SLC6A12: variants seen among roughly 807,000 people sequenced by gnomAD.
SLC6A12 encodes solute carrier family 6 member 12, also known as sodium- and chloride-dependent betaine transporter.
In SLC6A12, 50 loss-of-function variants were observed where a neutral mutation model predicts 73.3. That is an observed-to-expected ratio of 0.68 (90% CI 0.54 to 0.86). SLC6A12 has a LOEUF of 0.86. Among genes scored for constraint, SLC6A12 ranks in the 40% least tolerant of loss-of-function variants. SLC6A12 has a pLI of 0.00. For synonymous variants in SLC6A12, 304 were observed against 309.2 expected, an observed-to-expected ratio of 0.98 and a Z score of 0.18; for missense variants, 648 against 772.8, an observed-to-expected ratio of 0.84 and a Z score of 1.92.
At chr12:194,630 T>G (rs571879598) in intron 13 of SLC6A12, among the ~76,000 whole-genome samples, 16 of 152,366 alleles carry the variant, frequency 1.1e-4, no homozygotes, top group African/African-American at 3.6e-4. Context: ...CTTCTTCCCC[T>G]TCCTGGTGTA....
chr12:200,351 G>C (rs542918766), intron 7 of SLC6A12, among the ~76,000 whole-genome samples: 9 of 151,992 alleles, frequency 5.9e-5, no homozygotes, highest in African/African-American at 1.9e-4. Flanking sequence ...CTCGTGATCC[G>C]CCAGCCTCGG....
chr12:197,146 C>CATCTATCCATCCATCCATCTATCCATCT (rs1163402557), intron 10 of SLC6A12, among the ~76,000 whole-genome samples: 1 of 95,456 alleles, frequency 1.0e-5, no homozygotes, highest in African/African-American at 3.5e-5. Context: ...TCCATCCATC[C>CATCTATCCATCCATCCATCTATCCATCT]ATCCATCCAT....
intron 5 of SLC6A12, 67 bp from the exon 6 acceptor site, chr12:201,916 C>T (rs979715549): frequency 1.4e-6 from 2 of 1,416,330 alleles, no homozygotes; most frequent in African/African-American, 2.8e-5. Context: ...CCCTGGCCCT[C>T]TGGCCTTGCA....
chr12:200,142 G>T (rs979134147), intron 7 of SLC6A12, among the ~76,000 whole-genome samples: 3 of 138,082 alleles, frequency 2.2e-5, no homozygotes, highest in Non-Finnish European at 3.0e-5. Flanking sequence ...ACGGAGTCTG[G>T]CTGTCGCCCA....
At position 202,966 on chromosome 12, in the gene SLC6A12, A is replaced by G. The variant is rs1284438368; in HGVS notation, c.350-86T>C. On this transcript the variant is annotated intron_variant, in intron 4 of 15. Coordinates refer to ENST00000684302, the MANE Select transcript of SLC6A12 (RefSeq NM_001122848.3). Reference sequence around the variant, plus strand: ...CATAGAAGCTGCCAGTTGAGGTTACAAGGGTATTGGGTGCTACACAAAGAG... The same window carrying G: ...CATAGAAGCTGCCAGTTGAGGTTACGAGGGTATTGGGTGCTACACAAAGAG... The G allele has an allele frequency of 1.0e-5, 13 of 1,252,524 alleles. No individual in the cohort carries two copies. In the East Asian group the frequency reaches 2.6e-4, roughly 25 times the overall value. 77.6% of individuals were successfully genotyped at this position (1,252,524 alleles called of 1,614,324 possible).
At chr12:192,008 G>A (rs1939621967) in intron 15 of SLC6A12, among the ~76,000 whole-genome samples, 1 of 152,220 alleles carries the variant, frequency 6.6e-6, no homozygotes, top group African/African-American at 2.4e-5. Context: ...CTTCCAGGAG[G>A]ATATGTCCCA....
At chr12:187,829 C>T (rs1046943852), downstream of SLC6A12, among the ~76,000 whole-genome samples, 1 of 152,090 alleles carries the variant, frequency 6.6e-6, no homozygotes, top group Non-Finnish European at 1.5e-5. Context: ...GGTGTGTTTA[C>T]AACGCCTGAG....
At chr12:212,633 G>A (rs554282094) in intron 1 of SLC6A12, among the ~76,000 whole-genome samples, 22 of 152,318 alleles carry the variant, frequency 1.4e-4, no homozygotes, top group South Asian at 1.0e-3. Flanking sequence ...AGCTGGCCCC[G>A]AGCCGTGGTA....
chr12:197,181 CCATCCATCCATCCAT>C, intron 10 of SLC6A12, among the ~76,000 whole-genome samples, 181 bp downstream of exon 10: 2 of 63,028 alleles, frequency 3.2e-5, no homozygotes, highest in African/African-American at 5.1e-5. Flanking sequence ...ATCCATCCAT[CCATCCATCCATCCAT>C]TCATCCATCC....
intron 14 of SLC6A12, 31 bp from the exon 15 acceptor site, chr12:192,679 G>C: frequency 6.2e-7 from 1 of 1,607,292 alleles, no homozygotes; most frequent in Non-Finnish European, 8.5e-7. Flanking sequence ...CCATGGGTAA[G>C]ATAGGGGGCG....
chr12:195,324 C>A lies in SLC6A12; in HGVS notation c.1330G>T (p.Gly444Trp). The A allele has an allele frequency of 6.2e-7, 1 of 1,603,916 alleles. No individual in the cohort carries two copies. Among genetic ancestry groups the A allele is most frequent in the Non-Finnish European group, 8.5e-7 (1 of 1,170,602 alleles). ...LIGLFLVTEG[G>W]MYIFQLFDYY... ...TCAAACAGCTGGAAGATGTACATCC[C>A]GCCCTGTGGGGAGAGCGTGGAGCTG... The change falls in exon 13 of 16, where the codon GGG becomes TGG. Residue 444 changes from glycine (G) to tryptophan (W), a missense_variant. By Grantham distance (184) the Gly-to-Trp change is radical. Transcript: ENST00000684302.
chr12:195,136 G>A, intron 13 of SLC6A12, 89 bp downstream of exon 13: 1 of 801,098 alleles, frequency 1.2e-6, no homozygotes. Flanking sequence ...GGGGACCAGA[G>A]AACGGCCTCC....
chr12:194,591 G>A (rs559931512), intron 13 of SLC6A12, among the ~76,000 whole-genome samples: 186 of 152,332 alleles, frequency 1.2e-3, no homozygotes, highest in African/African-American at 4.3e-3. Flanking sequence ...AGCCTGGCAC[G>A]CAGTCATGCA....
chr12:191,165 T>C lies in SLC6A12; in HGVS notation c.1748A>G (p.Lys583Arg). 7.6e-7 allele frequency: 1 copy of C among 1,310,010 alleles called. No individual in the cohort carries two copies. The highest frequency in any genetic ancestry group is 9.8e-7 in the Non-Finnish European group (1 of 1,016,608). 81.1% of individuals were successfully genotyped at this position (1,310,010 alleles called of 1,614,324 possible). The change falls in exon 16 of 16, where the codon AAG becomes AGG. Residue 583 changes from lysine (K) to arginine (R), a missense_variant. Physicochemically the swap from Lys to Arg is conservative, Grantham distance 26. Coordinates refer to ENST00000684302, the MANE Select transcript of SLC6A12 (RefSeq NM_001122848.3). ...ACTGCCATCCAAGCAGGGATGTTGCTTGGGCTGTGGCAGACTGGAGTCAGG... is the reference window on the plus strand; with the variant it reads ...ACTGCCATCCAAGCAGGGATGTTGCCTGGGCTGTGGCAGACTGGAGTCAGG... ...ITPDSSLPQP[K>R]QHPCLDGSAG...
chr12:211,994 G>A (rs1325429066), intron 2 of SLC6A12, 32 bp downstream of exon 2: 1 of 152,144 alleles, frequency 6.6e-6, no homozygotes, highest in Non-Finnish European at 1.5e-5. Flanking sequence ...AGCGCCTGGG[G>A]GACACTGTTC....
chr12:202,369 T>C (rs978566951), intron 5 of SLC6A12, among the ~76,000 whole-genome samples: 10 of 152,250 alleles, frequency 6.6e-5, no homozygotes. Flanking sequence ...ACCACCAGAC[T>C]GTAAACACAG....
downstream of SLC6A12, among the ~76,000 whole-genome samples, chr12:186,713 C>T (rs1312597973): frequency 1.3e-5 from 2 of 152,242 alleles, no homozygotes; most frequent in Non-Finnish European, 2.9e-5. Flanking sequence ...TACTCTGCCA[C>T]GTGGGCGCTG....
intron 1 of SLC6A12, among the ~76,000 whole-genome samples, chr12:212,868 C>T (rs921630979): frequency 1.3e-5 from 2 of 152,142 alleles, no homozygotes; most frequent in South Asian, 2.1e-4. Context: ...CAAGGCCGCC[C>T]ACCTGCTTTG....
At chr12:197,132 T>TCTAC (rs1228340699) in intron 10 of SLC6A12, among the ~76,000 whole-genome samples, 2,672 of 105,230 alleles carry the variant, frequency 0.025, 15 homozygotes, top group Non-Finnish European at 0.032. Context: ...CATCCATCCA[T>TCTAC]CCATCCATCC....
Sources: allele counts gnomAD v4.1 joint callset (sites outside exome capture counted in the v4.1 genomes callset), GRCh38; gene constraint gnomAD v4.1.1; transcripts MANE v1.5; gene names NCBI Gene and HGNC (gene_info 2026-07-23, HGNC 2026-07-21).